PARG: variants seen among roughly 807,000 people sequenced by gnomAD.
PARG encodes the protein poly(ADP-ribose) glycohydrolase.
Under a neutral mutation model 113.0 loss-of-function variants are expected in PARG, and 35 were observed. The ratio of observed to expected loss-of-function variants is 0.31; its 90% CI spans 0.24 to 0.41. PARG has a LOEUF of 0.41. Ranked by LOEUF, PARG falls within the 10% of genes least tolerant of loss-of-function variation. PARG has a pLI of 1.00. For synonymous variants in PARG, 330 were observed against 409.9 expected, an observed-to-expected ratio of 0.81 and a Z score of 2.36; for missense variants, 797 against 1,169.4, an observed-to-expected ratio of 0.68 and a Z score of 4.64.
chr10:49,935,077 T>C lies in PARG; in HGVS notation c.283A>G (p.Ser95Gly), dbSNP rs1355455249. ...TKGIKTAESE[S>G]LDSKENNNTR... ...CTCTACATAGGAATGTTTCTATACC[T>C]TTCTGATTCCGCTGTCTTGATTCCT... Residue 95 changes from serine to glycine, a missense_variant and splice_region_variant, in exon 2 of 18, where the codon AGT becomes GGT. Physicochemically the swap from Ser to Gly is moderately conservative, Grantham distance 56. Transcript: ENST00000616448. The C allele has an allele frequency of 6.6e-4, 493 of 744,392 alleles. 1 individual carries two copies. The highest frequency in any genetic ancestry group is 1.1e-3 in the South Asian group (75 of 66,024). 46.1% of individuals were successfully genotyped at this position (744,392 alleles called of 1,614,324 possible). A position where few individuals can be genotyped will look rare whatever the true frequency, so the allele number is the denominator to read the frequency against.
chr10:49,891,623 ATTTTTT>A (rs1160158066), intron 7 of PARG, among the ~76,000 whole-genome samples: 240 of 47,172 alleles, frequency 5.1e-3, no homozygotes, highest in Admixed American at 0.013. Flanking sequence ...ATATATATAT[ATTTTTT>A]TTTTTTTTTT....
intron 16 of PARG, among the ~76,000 whole-genome samples, chr10:49,821,817 A>C (rs948235558): frequency 1.3e-5 from 2 of 152,226 alleles, no homozygotes; most frequent in Non-Finnish European, 2.9e-5. Flanking sequence ...AATGAGCGTA[A>C]TTTTAGTCCA....
intron 16 of PARG, among the ~76,000 whole-genome samples, chr10:49,827,641 A>G (rs1256071887): frequency 6.6e-6 from 1 of 152,192 alleles, no homozygotes; most frequent in Non-Finnish European, 1.5e-5. Context: ...AGTAAACAGC[A>G]AAGGAAATGC....
intron 4 of PARG, among the ~76,000 whole-genome samples, chr10:49,924,972 T>C (rs1589000140): frequency 6.6e-6 from 1 of 152,136 alleles, no homozygotes; most frequent in African/African-American, 2.4e-5. Flanking sequence ...AAGGCTGAGC[T>C]CTGCCTTCTG....
chr10:49,902,986 C>T (rs1276460137), intron 7 of PARG, among the ~76,000 whole-genome samples: 4 of 152,058 alleles, frequency 2.6e-5, no homozygotes, highest in Non-Finnish European at 4.4e-5. Flanking sequence ...CGCCACCACA[C>T]CCAGCTAATT....
At chr10:49,881,303 C>T (rs1847202047) in intron 8 of PARG, among the ~76,000 whole-genome samples, 1 of 152,182 alleles carries the variant, frequency 6.6e-6, no homozygotes. Flanking sequence ...TGTTACAGGC[C>T]ACTGGTTACT....
rs1847316354 is a variant in PARG at position 49,883,597 on chromosome 10, G to A, written c.1830+1606C>T. Among the ~76,000 whole-genome samples, 3 of 149,094 alleles carry A rather than the reference G, an allele frequency of 2.0e-5. No individual in the cohort carries two copies. The South Asian group carries it at 6.4e-4, about 32-fold the overall frequency. ...GCGGATCACATGAGGTCAGGAGTTC[G>A]AGACCAGCCTGGCCAAAATGGTGAA... is the stretch of plus-strand genomic sequence containing the variant. On this transcript the variant is annotated intron_variant, in intron 8 of 17. Coordinates refer to ENST00000616448, the MANE Select transcript of PARG (RefSeq NM_003631.5).
intron 2 of PARG, among the ~76,000 whole-genome samples, chr10:49,934,718 G>A (rs1838662530): frequency 6.6e-6 from 1 of 151,926 alleles, no homozygotes; most frequent in African/African-American, 2.4e-5. Context: ...GCGTGGTGGT[G>A]GGCGCCTGTA....
intron 8 of PARG, among the ~76,000 whole-genome samples, chr10:49,882,176 CATT>C (rs1368905792): frequency 6.6e-6 from 1 of 150,806 alleles, no homozygotes; most frequent in Non-Finnish European, 1.5e-5. Context: ...CCTAAAAACT[CATT>C]ATTTGGAGAA....
intron 1 of PARG, among the ~76,000 whole-genome samples, chr10:49,941,252 G>A (rs1452376862): frequency 1.3e-5 from 2 of 152,164 alleles, no homozygotes; most frequent in Non-Finnish European, 2.9e-5. Context: ...CAAACCTGAA[G>A]AAGCAAACAG....
chr10:49,890,128 T>C (rs1847696287), intron 7 of PARG, among the ~76,000 whole-genome samples: 1 of 152,146 alleles, frequency 6.6e-6, no homozygotes, highest in Admixed American at 6.5e-5. Context: ...ATAATGATGA[T>C]TATAAGGGAG....
chr10:49,848,064 T>C (rs1349748156), intron 13 of PARG, among the ~76,000 whole-genome samples: 2 of 152,094 alleles, frequency 1.3e-5, no homozygotes, highest in Non-Finnish European at 2.9e-5. Context: ...AAACACGTAA[T>C]ATAAGGCCAG....
At chr10:49,932,826 G>GT (rs1475006065) in intron 3 of PARG, among the ~76,000 whole-genome samples, 1 of 143,408 alleles carries the variant, frequency 7.0e-6, no homozygotes, top group Admixed American at 6.9e-5. Context: ...TAAACAAAGT[G>GT]TAAAAAAAAA....
At chr10:49,883,352 A>G (rs1432231628) in intron 8 of PARG, among the ~76,000 whole-genome samples, 3 of 151,520 alleles carry the variant, frequency 2.0e-5, no homozygotes, top group African/African-American at 7.3e-5. Flanking sequence ...AACCCTGGCT[A>G]GCAGCCATGC....
intron 7 of PARG, among the ~76,000 whole-genome samples, chr10:49,890,059 A>G (rs1196403373): frequency 6.6e-6 from 1 of 152,228 alleles, no homozygotes; most frequent in Non-Finnish European, 1.5e-5. Flanking sequence ...AGCAAGAGCC[A>G]TTGGTCAAAT....
intron 13 of PARG, among the ~76,000 whole-genome samples, chr10:49,854,484 G>T (rs1209911509): frequency 2.0e-5 from 3 of 152,080 alleles, no homozygotes; most frequent in African/African-American, 7.2e-5. Context: ...GTCCACAAAG[G>T]GCTTTGAAAA....
At chr10:49,862,519 A>C (rs1288058859) in intron 11 of PARG, among the ~76,000 whole-genome samples, 1 of 151,876 alleles carries the variant, frequency 6.6e-6, no homozygotes, top group African/African-American at 2.4e-5. Flanking sequence ...ATGAGTTTAA[A>C]TACATTTCTG....
At chr10:49,924,380 T>C (rs1299737527) in intron 4 of PARG, among the ~76,000 whole-genome samples, 2 of 152,218 alleles carry the variant, frequency 1.3e-5, no homozygotes, top group Non-Finnish European at 2.9e-5. Flanking sequence ...ACTTGTAATA[T>C]GTTATGAATA....
intron 9 of PARG, among the ~76,000 whole-genome samples, chr10:49,874,265 T>C (rs1420386038): frequency 6.6e-6 from 1 of 151,948 alleles, no homozygotes; most frequent in African/African-American, 2.4e-5. Flanking sequence ...TAATGCTGAG[T>C]AAGCTAAGGT....
Sources: gnomAD v4.1 joint callset for allele counts (sites outside exome capture counted in the v4.1 genomes callset) on GRCh38, gnomAD v4.1.1 for gene constraint, MANE v1.5 for transcripts, NCBI Gene and HGNC (gene_info 2026-07-23, HGNC 2026-07-21) for gene names.